SLC30A6: variants seen among roughly 807,000 people sequenced by gnomAD.
The protein encoded by SLC30A6 is solute carrier family 30 member 6.
In SLC30A6, 55 loss-of-function variants were observed where a neutral mutation model predicts 63.0. That is an observed-to-expected ratio of 0.87 (90% CI 0.70 to 1.09). The LOEUF is 1.09. SLC30A6 is among the 50% of genes least tolerant of loss of function. SLC30A6 has a pLI of 0.00. For missense variants in SLC30A6, 587 were observed against 549.2 expected, an observed-to-expected ratio of 1.07 and a Z score of -0.69; for synonymous variants, 224 against 186.1, an observed-to-expected ratio of 1.20 and a Z score of -1.66.
intron 4 of SLC30A6, among the ~76,000 whole-genome samples, chr2:32,182,159 T>C (rs1682384050): frequency 6.6e-6 from 1 of 152,028 alleles, no homozygotes; most frequent in Non-Finnish European, 1.5e-5. Flanking sequence ...GGTCTTGTAC[T>C]CTTGGGCTCT....
intron 12 of SLC30A6, among the ~76,000 whole-genome samples, chr2:32,207,356 G>A (rs999087922): frequency 3.3e-5 from 5 of 151,452 alleles, no homozygotes; most frequent in African/African-American, 7.3e-5. Context: ...GACTACAGGC[G>A]CGTGCCACCA....
intron 10 of SLC30A6, among the ~76,000 whole-genome samples, chr2:32,198,881 T>C (rs1456878712): frequency 6.6e-6 from 1 of 152,144 alleles, no homozygotes; most frequent in Non-Finnish European, 1.5e-5. Flanking sequence ...TTATTTACAT[T>C]GAGTGTACAA....
intron 13 of SLC30A6, among the ~76,000 whole-genome samples, chr2:32,210,309 T>C (rs1685143393): frequency 6.6e-6 from 1 of 152,104 alleles, no homozygotes; most frequent in African/African-American, 2.4e-5. Flanking sequence ...GTTGAGAGTT[T>C]GAGACCAACT....
At chr2:32,212,280 T>C (rs1399013955) in intron 13 of SLC30A6, among the ~76,000 whole-genome samples, 4 of 152,130 alleles carry the variant, frequency 2.6e-5, no homozygotes, top group Admixed American at 2.6e-4. Flanking sequence ...TCTTGTTTTA[T>C]ATCTTTTGAT....
chr2:32,179,398 A>G (rs914463849), intron 4 of SLC30A6, among the ~76,000 whole-genome samples: 7 of 152,222 alleles, frequency 4.6e-5, no homozygotes, highest in African/African-American at 1.7e-4. Flanking sequence ...TGGGGCATGT[A>G]TACCCCATAT....
intron 4 of SLC30A6, 77 bp downstream of exon 4, chr2:32,175,438 G>A: frequency 7.5e-7 from 1 of 1,329,620 alleles, no homozygotes. Flanking sequence ...ATACAATTCA[G>A]CAATAAAAAC....
intron 10 of SLC30A6, among the ~76,000 whole-genome samples, chr2:32,199,756 C>T (rs987930438): frequency 1.3e-5 from 2 of 152,170 alleles, no homozygotes; most frequent in South Asian, 4.1e-4. Flanking sequence ...CCTCCCTCCT[C>T]CTCTCTCACC....
rs796276152 is a variant in SLC30A6 at position 32,174,841 on chromosome 2, C to T, written c.176-478C>T. Among the ~76,000 whole-genome samples, 11 of 152,128 alleles carry T rather than the reference C, an allele frequency of 7.2e-5. 1 individual carries two copies. The highest frequency in any genetic ancestry group is 2.4e-4 in the African/African-American group (10 of 41,508). On this transcript the variant is annotated intron_variant, in intron 3 of 13. Coordinates refer to ENST00000282587, the MANE Select transcript of SLC30A6 (RefSeq NM_017964.5). Reference sequence around the variant, plus strand: ...TGCTGGGATTACAGGCGTGAGCCACCGTGCCTGGCTGGAGATTTGTTTTTA... The same window carrying T: ...TGCTGGGATTACAGGCGTGAGCCACTGTGCCTGGCTGGAGATTTGTTTTTA...
intron 1 of SLC30A6, among the ~76,000 whole-genome samples, chr2:32,166,953 C>T (rs995906334): frequency 5.3e-5 from 8 of 152,078 alleles, no homozygotes; most frequent in African/African-American, 1.9e-4. Flanking sequence ...TAAAATTTGA[C>T]CACATCACTC....
At chr2:32,201,500 C>T in intron 10 of SLC30A6, 1 of 507,434 alleles carries the variant, frequency 2.0e-6, no homozygotes, top group Non-Finnish European at 3.5e-6. Flanking sequence ...GACACACAGC[C>T]ACGGCTGAGT....
At position 32,182,567 on chromosome 2, in the gene SLC30A6, A is replaced by G. The variant is rs560652080; in HGVS notation, c.219-1706A>G. Reference sequence around the variant, plus strand: ...AATGGAATCTGAGGGCAGAGGTTTAACTGGGCCCCATTGTAAGAATCAAAC... The same window carrying G: ...AATGGAATCTGAGGGCAGAGGTTTAGCTGGGCCCCATTGTAAGAATCAAAC... On this transcript the variant is annotated intron_variant, in intron 4 of 13. Transcript: ENST00000282587. Among the ~76,000 whole-genome samples, 17 of 152,262 alleles carry G rather than the reference A, an allele frequency of 1.1e-4. 1 individual carries two copies. Among genetic ancestry groups the G allele is most frequent in the Middle Eastern group, 3.4e-3 (1 of 294 alleles).
intron 13 of SLC30A6, among the ~76,000 whole-genome samples, chr2:32,215,641 A>G (rs1685640525): frequency 1.3e-5 from 2 of 151,324 alleles, no homozygotes; most frequent in Admixed American, 6.6e-5. Context: ...CTAGAGATAA[A>G]TATTGTCATC....
chr2:32,201,699 A>G, intron 10 of SLC30A6: 1 of 1,437,636 alleles, frequency 7.0e-7, no homozygotes, highest in Non-Finnish European at 9.6e-7. Flanking sequence ...CTTTATGGAT[A>G]TCACAGTTTC....
At chr2:32,182,177 TC>T (rs1408514152) in intron 4 of SLC30A6, among the ~76,000 whole-genome samples, 1 of 151,980 alleles carries the variant, frequency 6.6e-6, no homozygotes, top group Non-Finnish European at 1.5e-5. Context: ...TCTCAAGTGA[TC>T]CACCTGCCCT....
chr2:32,212,019 TTTGTGG>T (rs1685299584), intron 13 of SLC30A6, among the ~76,000 whole-genome samples: 1 of 152,222 alleles, frequency 6.6e-6, no homozygotes, highest in Non-Finnish European at 1.5e-5. Context: ...TTGGTTTTCT[TTTGTGG>T]AAACTTCTGT....
intron 13 of SLC30A6, among the ~76,000 whole-genome samples, chr2:32,212,476 T>G (rs977554272): frequency 1.3e-5 from 2 of 151,914 alleles, no homozygotes; most frequent in Admixed American, 1.3e-4. Flanking sequence ...TTAGGAGTGG[T>G]TTAGGGTAGT....
chr2:32,183,965 G>T (rs1682584735), intron 4 of SLC30A6, among the ~76,000 whole-genome samples: 1 of 152,010 alleles, frequency 6.6e-6, no homozygotes, highest in African/African-American at 2.4e-5. Context: ...AACCATTTAG[G>T]GTGAATAACA....
intron 10 of SLC30A6, chr2:32,203,848 A>T (rs567402705): frequency 7.5e-7 from 1 of 1,326,030 alleles, no homozygotes; most frequent in Non-Finnish European, 1.1e-6. Flanking sequence ...TGGTTGGTCA[A>T]GTGGCCAGTC....
At chr2:32,192,985 A>G (rs1573332760) in intron 7 of SLC30A6, 32 bp downstream of exon 7, 4 of 1,321,770 alleles carry the variant, frequency 3.0e-6, no homozygotes, top group East Asian at 2.5e-5. Flanking sequence ...ATAATTTACT[A>G]TTGATTCTTA....
Sources: allele counts gnomAD v4.1 joint callset (sites outside exome capture counted in the v4.1 genomes callset), GRCh38; gene constraint gnomAD v4.1.1; transcripts MANE v1.5; gene names NCBI Gene and HGNC (gene_info 2026-07-23, HGNC 2026-07-21).